Variants in LPXN observed in about 807,000 individuals in gnomAD.
LPXN encodes the protein leupaxin.
Under a neutral mutation model 45.6 loss-of-function variants are expected in LPXN, and 28 were observed. That is an observed-to-expected ratio of 0.61 (90% CI 0.45 to 0.84). The LOEUF (loss-of-function observed/expected upper bound fraction) is 0.84. LPXN is among the 40% of genes least tolerant of loss of function. The probability of loss-of-function intolerance (pLI) is 0.00; values close to 1 mark genes in which losing one functional copy is unlikely to be tolerated. For missense variants in LPXN, 459 were observed against 475.0 expected, an observed-to-expected ratio of 0.97 and a Z score of 0.31; for synonymous variants, 166 against 169.9, an observed-to-expected ratio of 0.98 and a Z score of 0.18.
intron 3 of LPXN, among the ~76,000 whole-genome samples, chr11:58,562,894 A>G (rs1590575048): frequency 1.3e-5 from 2 of 152,258 alleles, no homozygotes; most frequent in East Asian, 3.9e-4. Context: ...GACAGTGAGG[A>G]CCAACTGATC....
At chr11:58,561,323 A>G (rs1854369524) in intron 3 of LPXN, among the ~76,000 whole-genome samples, 1 of 152,244 alleles carries the variant, frequency 6.6e-6, no homozygotes. Context: ...TCTTTTGGAT[A>G]CGACATATCT....
At chr11:58,559,917 T>G (rs1854321359) in intron 3 of LPXN, among the ~76,000 whole-genome samples, 1 of 152,140 alleles carries the variant, frequency 6.6e-6, no homozygotes, top group Non-Finnish European at 1.5e-5. Context: ...TTATATAAAT[T>G]TATAAGCCCA....
chr11:58,543,529 A>C (rs568478808), intron 7 of LPXN, among the ~76,000 whole-genome samples: 1 of 152,298 alleles, frequency 6.6e-6, no homozygotes, highest in African/African-American at 2.4e-5. Context: ...TACAGTACTA[A>C]ATTAAAATGA....
chr11:58,538,382 C>T (rs1376722086), intron 7 of LPXN, among the ~76,000 whole-genome samples: 2 of 152,008 alleles, frequency 1.3e-5, no homozygotes, highest in Non-Finnish European at 2.9e-5. Context: ...AGTTTACAGT[C>T]CCACCAACAG....
chr11:58,533,998 A>G (rs1288528174), intron 7 of LPXN, among the ~76,000 whole-genome samples: 2 of 152,224 alleles, frequency 1.3e-5, no homozygotes, highest in African/African-American at 4.8e-5. Context: ...TATGCACCCA[A>G]TACAGGAGCA....
intron 2 of LPXN, among the ~76,000 whole-genome samples, chr11:58,566,137 G>GT (rs1031991071): frequency 1.3e-5 from 2 of 150,608 alleles, no homozygotes; most frequent in African/African-American, 2.4e-5. Context: ...AGGAACATGT[G>GT]TTTTTTTTCG....
chr11:58,562,813 G>A (rs10896793), intron 3 of LPXN, among the ~76,000 whole-genome samples: 32 of 3,142 alleles, frequency 0.01, no homozygotes, highest in South Asian at 0.056. Flanking sequence ...AGCGACTTGT[G>A]GGGGGGAAAT....
intron 7 of LPXN, among the ~76,000 whole-genome samples, chr11:58,548,167 A>C (rs1414989182): frequency 3.9e-5 from 6 of 152,226 alleles, no homozygotes; most frequent in African/African-American, 1.2e-4. Flanking sequence ...GGGCAATGAC[A>C]GAATAAAAAT....
chr11:58,555,272 T>C (rs1050878142), intron 3 of LPXN, among the ~76,000 whole-genome samples: 4 of 152,174 alleles, frequency 2.6e-5, no homozygotes, highest in Admixed American at 1.3e-4. Flanking sequence ...GCCATGTCCA[T>C]TCATTTATCT....
At chr11:58,578,547 C>G (rs1854990457), upstream of LPXN, among the ~76,000 whole-genome samples, 2 of 152,148 alleles carry the variant, frequency 1.3e-5, no homozygotes, top group African/African-American at 2.4e-5. Context: ...AAAGGAGAAG[C>G]GACAGCTCAA....
intron 1 of LPXN, among the ~76,000 whole-genome samples, chr11:58,573,517 C>G (rs1854778999): frequency 6.6e-6 from 1 of 152,148 alleles, no homozygotes; most frequent in African/African-American, 2.4e-5. Context: ...AACCATACCA[C>G]AAAGAGTAGG....
intron 3 of LPXN, among the ~76,000 whole-genome samples, chr11:58,560,073 A>G (rs1854326776): frequency 1.3e-5 from 2 of 152,162 alleles, no homozygotes; most frequent in African/African-American, 4.8e-5. Flanking sequence ...ACATTTCCAA[A>G]TTCTTCGACT....
intron 7 of LPXN, among the ~76,000 whole-genome samples, chr11:58,530,113 A>G (rs1033124361): frequency 1.1e-4 from 17 of 152,292 alleles, no homozygotes; most frequent in African/African-American, 4.1e-4. Context: ...GGGCGGCTGT[A>G]TGGGCAAACA....
intron 7 of LPXN, among the ~76,000 whole-genome samples, chr11:58,548,928 C>T (rs1459258979): frequency 1.3e-5 from 2 of 152,014 alleles, no homozygotes; most frequent in Non-Finnish European, 2.9e-5. Context: ...ACTGATCTAA[C>T]CTGTAATTAT....
intron 6 of LPXN, 37 bp downstream of exon 6, chr11:58,549,936 G>C (rs1161721801): frequency 1.2e-6 from 2 of 1,613,904 alleles, no homozygotes; most frequent in Admixed American, 3.3e-5. Flanking sequence ...TTCTAAGTGA[G>C]TGACTGAAAG....
At chr11:58,568,477 C>A (rs1308278617) in intron 2 of LPXN, among the ~76,000 whole-genome samples, 1 of 151,986 alleles carries the variant, frequency 6.6e-6, no homozygotes, top group Admixed American at 6.6e-5. Flanking sequence ...GTGGTGCATG[C>A]CTGTAGTCCC....
At chr11:58,535,869 G>A (rs1302147885) in intron 7 of LPXN, among the ~76,000 whole-genome samples, 5 of 151,874 alleles carry the variant, frequency 3.3e-5, no homozygotes, top group East Asian at 1.9e-4. Flanking sequence ...ATTCCTATAC[G>A]CCAATAATAG....
At chr11:58,533,605 T>C (rs1853461913) in intron 7 of LPXN, among the ~76,000 whole-genome samples, 1 of 152,192 alleles carries the variant, frequency 6.6e-6, no homozygotes, top group Non-Finnish European at 1.5e-5. Flanking sequence ...ATGAAGAAAC[T>C]GTTCATAACA....
At chr11:58,564,046 C>T (rs889470350) in intron 3 of LPXN, 109 bp downstream of exon 3, 30 of 676,572 alleles carry the variant, frequency 4.4e-5, no homozygotes, top group Middle Eastern at 4.1e-4. Context: ...GGATGATATA[C>T]GAGTTCTAAT....
Sources: gnomAD v4.1 joint callset for allele counts (sites outside exome capture counted in the v4.1 genomes callset) on GRCh38, gnomAD v4.1.1 for gene constraint, MANE v1.5 for transcripts, NCBI Gene and HGNC (gene_info 2026-07-23, HGNC 2026-07-21) for gene names.